The following ERG variants were observed in gnomAD, a reference collection of about 807,000 sequenced individuals.
The protein encoded by ERG is ETS transcription factor ERG.
ERG carries 9 observed loss-of-function variants against 55.3 expected under a neutral mutation model. The ratio of observed to expected loss-of-function variants is 0.16; its 90% CI spans 0.10 to 0.28. The LOEUF (loss-of-function observed/expected upper bound fraction) is 0.28, where lower values mean the gene tolerates loss of function less well. Ranked by LOEUF, ERG falls within the 10% of genes least tolerant of loss-of-function variation. The pLI is 1.00. For missense variants in ERG, 434 were observed against 631.6 expected, an observed-to-expected ratio of 0.69 and a Z score of 3.35; for synonymous variants, 223 against 237.3, an observed-to-expected ratio of 0.94 and a Z score of 0.55.
At chr21:38,474,076 T>C (rs984408227) in intron 1 of ERG, 1 of 152,200 alleles carries the variant, frequency 6.6e-6, no homozygotes, top group Non-Finnish European at 1.5e-5. Context: ...CAATGAGATC[T>C]TGGAGGGGCA....
chr21:38,649,020 C>T (rs565980852), intron 1 of ERG, among the ~76,000 whole-genome samples: 1 of 152,296 alleles, frequency 6.6e-6, no homozygotes, highest in South Asian at 2.1e-4. Flanking sequence ...TACTGGGAGT[C>T]ACTTGTCATG....
At chr21:38,421,829 G>A (rs920732270) in intron 3 of ERG, among the ~76,000 whole-genome samples, 1 of 152,146 alleles carries the variant, frequency 6.6e-6, no homozygotes, top group South Asian at 2.1e-4. Context: ...CAGGGAAGAG[G>A]ATAATAAGAA....
chr21:38,401,203 T>G (rs1988473586), intron 5 of ERG, among the ~76,000 whole-genome samples: 1 of 152,238 alleles, frequency 6.6e-6, no homozygotes, highest in Non-Finnish European at 1.5e-5. Flanking sequence ...GAATTTGTTG[T>G]CTTGTTCATT....
chr21:38,428,158 A>G (rs898088197), intron 2 of ERG, among the ~76,000 whole-genome samples: 7 of 149,338 alleles, frequency 4.7e-5, no homozygotes, highest in African/African-American at 1.5e-4. Context: ...TGCAGCCTGG[A>G]CAACAGAGCA....
At chr21:38,458,327 G>A (rs930280409) in intron 1 of ERG, among the ~76,000 whole-genome samples, 5 of 151,942 alleles carry the variant, frequency 3.3e-5, no homozygotes, top group African/African-American at 1.2e-4. Context: ...GGTAGGCCGA[G>A]GCTGGAGAAT....
intron 4 of ERG, among the ~76,000 whole-genome samples, chr21:38,402,919 T>C (rs1187498488): frequency 2.0e-5 from 3 of 152,168 alleles, no homozygotes; most frequent in African/African-American, 7.2e-5. Flanking sequence ...TCCACCTCAC[T>C]GTCTGTCACA....
intron 2 of ERG, among the ~76,000 whole-genome samples, chr21:38,518,526 G>A (rs1430959649): frequency 6.6e-6 from 1 of 152,044 alleles, no homozygotes; most frequent in Non-Finnish European, 1.5e-5. Context: ...AAGGGGCAGA[G>A]TAGTTAAAAA....
chr21:38,400,200 G>A (rs1988419059), intron 6 of ERG: 1 of 432,458 alleles, frequency 2.3e-6, no homozygotes, highest in Non-Finnish European at 4.4e-6. Flanking sequence ...GTGACATACT[G>A]ATAATCGGTC....
At chr21:38,379,600 C>T (rs921829157), downstream of ERG, among the ~76,000 whole-genome samples, 2 of 152,076 alleles carry the variant, frequency 1.3e-5, no homozygotes, top group African/African-American at 4.8e-5. Context: ...AATATTATGA[C>T]TTTCTCCAAC....
chr21:38,644,852 A>G (rs2836586), intron 1 of ERG, among the ~76,000 whole-genome samples: 9,272 of 152,208 alleles, frequency 0.061, 904 homozygotes, highest in African/African-American at 0.21. Context: ...CCCAGGTGGT[A>G]AGGATCATTA....
At position 38,380,767 on chromosome 21, in the gene ERG, G is replaced by C; in HGVS notation, c.*2636C>G. ...TAACCTGGACTGGGGGTGGAGGGTT[G>C]AGGGATCTAATGGAAAACATCTGTT... is the stretch of plus-strand genomic sequence containing the variant. On this transcript the variant is annotated 3_prime_UTR_variant, in exon 10 of 10. Transcript: ENST00000288319. 1 of 1,064,586 alleles carries C rather than the reference G, an allele frequency of 9.4e-7. No homozygotes were observed. The highest frequency in any genetic ancestry group is 1.1e-6 in the Non-Finnish European group (1 of 879,128). The allele number at this position is 1,064,586 out of a possible 1,614,324, so 65.9% of individuals were successfully genotyped here.
At position 38,559,962 on chromosome 21, in the gene ERG, C is replaced by T. The variant is rs547016995; in HGVS notation, c.-41+15700G>A. The stretch of plus-strand genomic sequence containing the variant: ...TCTCCCAAAGTGCTGGGATTATAGG[C>T]GTGAGACACCACACCCGGCCTCATC... On this transcript the variant is annotated intron_variant, in intron 2 of 8. Coordinates refer to the ERG transcript ENST00000398897. Among the ~76,000 whole-genome samples, 164 of 152,322 alleles carry T rather than the reference C, an allele frequency of 1.1e-3. 1 individual carries two copies. Among genetic ancestry groups the T allele is most frequent in the African/African-American group, 3.7e-3 (152 of 41,574 alleles).
At chr21:38,449,744 T>G (rs968150939) in intron 1 of ERG, among the ~76,000 whole-genome samples, 1 of 152,180 alleles carries the variant, frequency 6.6e-6, no homozygotes, top group African/African-American at 2.4e-5. Flanking sequence ...GGCCCAAAAT[T>G]GATTCTAATT....
chr21:38,499,693 G>C (rs745532652), upstream of ERG, among the ~76,000 whole-genome samples: 24 of 151,378 alleles, frequency 1.6e-4, no homozygotes, highest in Non-Finnish European at 2.9e-4. Flanking sequence ...CCTCATGTTA[G>C]GACAAAAGAA....
intron 1 of ERG, among the ~76,000 whole-genome samples, chr21:38,590,882 G>A: frequency 6.6e-6 from 1 of 152,238 alleles, no homozygotes; most frequent in East Asian, 1.9e-4. Context: ...TAATGCCAGA[G>A]TGTAGCTTGG....
intron 1 of ERG, among the ~76,000 whole-genome samples, chr21:38,626,066 C>A (rs977634194): frequency 4.0e-5 from 6 of 151,778 alleles, no homozygotes; most frequent in African/African-American, 1.5e-4. Context: ...GGCCTACAGG[C>A]GCCTGCTACC....
intron 1 of ERG, among the ~76,000 whole-genome samples, chr21:38,650,013 T>C (rs1191864057): frequency 1.3e-5 from 2 of 152,236 alleles, no homozygotes; most frequent in African/African-American, 4.8e-5. Context: ...TGGTTACCAA[T>C]AATTGTGCTG....
intron 2 of ERG, among the ~76,000 whole-genome samples, chr21:38,509,283 C>G: frequency 6.6e-6 from 1 of 152,176 alleles, no homozygotes; most frequent in Non-Finnish European, 1.5e-5. Flanking sequence ...GAAAATATTC[C>G]TTCTGTATGA....
chr21:38,540,992 G>GCTGGGGAGGCA (rs1450638827), intron 2 of ERG, among the ~76,000 whole-genome samples: 2 of 149,416 alleles, frequency 1.3e-5, no homozygotes, highest in East Asian at 4.2e-4. Context: ...CGCTTGGGTG[G>GCTGGGGAGGCA]CTGGGGAGGC....
Sources: gnomAD v4.1 joint callset for allele counts (sites outside exome capture counted in the v4.1 genomes callset) on GRCh38, gnomAD v4.1.1 for gene constraint, MANE v1.5 for transcripts, NCBI Gene and HGNC (gene_info 2026-07-23, HGNC 2026-07-21) for gene names.